ATP6V0E1: variants seen among roughly 807,000 people sequenced by gnomAD.
The protein encoded by ATP6V0E1 is ATPase H+ transporting V0 subunit e1, also known as V-type proton ATPase subunit e 1.
A neutral mutation model predicts 11.6 loss-of-function variants in ATP6V0E1; 4 were observed. That is an observed-to-expected ratio of 0.35 (90% CI 0.17 to 0.79). The LOEUF (loss-of-function observed/expected upper bound fraction) is 0.79. Among genes scored for constraint, ATP6V0E1 ranks in the 30% least tolerant of loss-of-function variants. The pLI, the probability that ATP6V0E1 is intolerant of heterozygous loss-of-function variation, is 0.54. For missense variants in ATP6V0E1, 105 were observed against 100.0 expected (o/e 1.05, Z -0.21); for synonymous variants, 36 against 34.8 (o/e 1.04, Z -0.13).
chr5:172,984,064 A>G, intron 1 of ATP6V0E1, 100 bp downstream of exon 1: 3 of 1,159,620 alleles, frequency 2.6e-6, no homozygotes, highest in Non-Finnish European at 3.9e-6. Flanking sequence ...AGAACGTTGC[A>G]TGGGCGCCCC....
chr5:173,004,756 G>T (rs897376949), intron 2 of ATP6V0E1, among the ~76,000 whole-genome samples: 2 of 152,180 alleles, frequency 1.3e-5, no homozygotes, highest in African/African-American at 4.8e-5. Context: ...ACAATAGCTT[G>T]GCAGGGGAGA....
intron 2 of ATP6V0E1, among the ~76,000 whole-genome samples, chr5:173,008,448 G>C (rs1446266096): frequency 6.6e-6 from 1 of 150,466 alleles, no homozygotes; most frequent in Non-Finnish European, 1.5e-5. Context: ...CTACAGGTGC[G>C]TGCCACACTG....
At chr5:173,002,223 T>G (rs1411250608) in intron 2 of ATP6V0E1, among the ~76,000 whole-genome samples, 1 of 152,244 alleles carries the variant, frequency 6.6e-6, no homozygotes. Flanking sequence ...AATACCATTA[T>G]GCACAAAAAA....
chr5:173,017,562 G>T (rs1417131161), intron 2 of ATP6V0E1, among the ~76,000 whole-genome samples: 1 of 146,744 alleles, frequency 6.8e-6, no homozygotes, highest in Non-Finnish European at 1.5e-5. Context: ...GCGATTCCTG[G>T]CCGGCTGCAG....
chr5:173,015,773 C>A (rs1254557665), intron 2 of ATP6V0E1, among the ~76,000 whole-genome samples: 1 of 152,204 alleles, frequency 6.6e-6, no homozygotes, highest in Non-Finnish European at 1.5e-5. Context: ...GTCATCCAGG[C>A]TAAAGTGCAG....
At chr5:173,008,450 G>GGCACGCAC (rs1756262571) in intron 2 of ATP6V0E1, among the ~76,000 whole-genome samples, 1 of 150,620 alleles carries the variant, frequency 6.6e-6, no homozygotes, top group Non-Finnish European at 1.5e-5. Flanking sequence ...ACAGGTGCGT[G>GGCACGCAC]CCACACTGCC....
At chr5:172,990,182 C>T (rs1755958732) in intron 1 of ATP6V0E1, among the ~76,000 whole-genome samples, 1 of 151,956 alleles carries the variant, frequency 6.6e-6, no homozygotes, top group Admixed American at 6.6e-5. Context: ...AAAAAATAGC[C>T]TACGATCACT....
chr5:172,986,935 G>A (rs192032883), intron 1 of ATP6V0E1, among the ~76,000 whole-genome samples: 1,881 of 151,242 alleles, frequency 0.012, 17 homozygotes, highest in Middle Eastern at 0.028. Flanking sequence ...TTACAGGCGC[G>A]CACCACCATG....
chr5:173,027,995 G>T (rs6865010), intron 3 of ATP6V0E1, among the ~76,000 whole-genome samples: 35,311 of 151,962 alleles, frequency 0.23, 4,956 homozygotes, highest in African/African-American at 0.38. Context: ...TGGATCTGAA[G>T]ACATTTTATC....
chr5:173,018,323 C>G (rs1219785316), intron 2 of ATP6V0E1, among the ~76,000 whole-genome samples: 1 of 152,116 alleles, frequency 6.6e-6, no homozygotes, highest in East Asian at 1.9e-4. Flanking sequence ...GCATAAAGGT[C>G]TTCATCCTTG....
chr5:172,992,182 C>G (rs1490985659), intron 1 of ATP6V0E1, among the ~76,000 whole-genome samples: 1 of 152,118 alleles, frequency 6.6e-6, no homozygotes, highest in Non-Finnish European at 1.5e-5. Context: ...TCCCGAGTAG[C>G]TGGGACTACA....
chr5:172,985,200 G>A lies in ATP6V0E1; in HGVS notation c.104+1236G>A, dbSNP rs1244866588. Among the ~76,000 whole-genome samples, 10 of 148,572 alleles carry A rather than the reference G, an allele frequency of 6.7e-5. No individual in the cohort carries two copies. In the East Asian group the frequency reaches 7.9e-4, roughly 12 times the overall value. On this transcript the variant is annotated intron_variant, in intron 1 of 3. Transcript: ENST00000519374. ...GCAGAGCTTGCAGTGAGCCGAGATC[G>A]CGCCACTGCACTCCAGCCTGGGCGA... is the stretch of plus-strand genomic sequence containing the variant.
intron 3 of ATP6V0E1, among the ~76,000 whole-genome samples, chr5:173,030,724 C>G (rs1434357625): frequency 6.6e-6 from 1 of 151,910 alleles, no homozygotes; most frequent in Non-Finnish European, 1.5e-5. Context: ...GTGTGAGCCA[C>G]TGCACCTGGC....
Position 173,034,584 on chromosome 5 carries a change from T to C in ATP6V0E1, c.*222T>C. The stretch of plus-strand genomic sequence containing the variant: ...TGGTGAATTACGTGCCTCCATAACC[T>C]GAACTGTGCCGACTCCACAAAACGA... On this transcript the variant is annotated 3_prime_UTR_variant, in exon 4 of 4. Transcript: ENST00000519374. 1.6e-6 allele frequency: 1 copy of C among 644,108 alleles called. No homozygotes were observed. The allele number at this position is 644,108 out of a possible 1,614,324, so 39.9% of individuals were successfully genotyped here. A position where few individuals can be genotyped will look rare whatever the true frequency, so the allele number is the denominator to read the frequency against.
intron 2 of ATP6V0E1, among the ~76,000 whole-genome samples, chr5:173,002,111 CT>C (rs1648450111): frequency 6.6e-6 from 1 of 152,216 alleles, no homozygotes; most frequent in African/African-American, 2.4e-5. Flanking sequence ...TATCCCCACA[CT>C]TTTCCTCTCC....
chr5:172,996,354 T>C (rs1410411256), intron 2 of ATP6V0E1, among the ~76,000 whole-genome samples: 3 of 151,940 alleles, frequency 2.0e-5, no homozygotes, highest in African/African-American at 7.3e-5. Context: ...GGTCAGGATA[T>C]TGAGACCAGC....
intron 2 of ATP6V0E1, among the ~76,000 whole-genome samples, chr5:173,005,948 A>G (rs1349097787): frequency 2.0e-5 from 3 of 152,178 alleles, no homozygotes; most frequent in Non-Finnish European, 4.4e-5. Context: ...ATTTAATTCC[A>G]TGTGGTCAGA....
At chr5:173,026,888 T>C (rs1290763526) in intron 3 of ATP6V0E1, among the ~76,000 whole-genome samples, 1 of 152,138 alleles carries the variant, frequency 6.6e-6, no homozygotes, top group African/African-American at 2.4e-5. Flanking sequence ...ATCAACAGTA[T>C]ATGAGTGGCC....
chr5:172,988,163 T>C (rs1368450609), intron 1 of ATP6V0E1, among the ~76,000 whole-genome samples: 2 of 152,224 alleles, frequency 1.3e-5, no homozygotes, highest in East Asian at 1.9e-4. Flanking sequence ...CATTAGGTGA[T>C]AGGAATGTTT....
Sources: allele counts gnomAD v4.1 joint callset (sites outside exome capture counted in the v4.1 genomes callset), GRCh38; gene constraint gnomAD v4.1.1; transcripts MANE v1.5; gene names NCBI Gene and HGNC (gene_info 2026-07-23, HGNC 2026-07-21).